The following CCDC141 variants were observed in gnomAD, a reference collection of about 807,000 sequenced individuals.
The protein encoded by CCDC141 is coiled-coil domain containing 141, also known as coiled-coil domain-containing protein 141.
A neutral mutation model predicts 181.0 loss-of-function variants in CCDC141; 168 were observed. That is an observed-to-expected ratio of 0.93 (90% CI 0.82 to 1.05). CCDC141 has a LOEUF of 1.05. CCDC141 is among the 50% of genes least tolerant of loss of function. The probability of loss-of-function intolerance (pLI) is 0.00; values close to 1 mark genes in which losing one functional copy is unlikely to be tolerated. For synonymous variants in CCDC141, 666 were observed against 642.3 expected (o/e 1.04, Z -0.56); for missense variants, 1,902 against 1,788.5 (o/e 1.06, Z -1.14).
intron 2 of CCDC141, among the ~76,000 whole-genome samples, chr2:179,022,950 G>A (rs755890995): frequency 1.9e-4 from 29 of 152,004 alleles, no homozygotes; most frequent in Non-Finnish European, 4.0e-4. Context: ...GAGAAGTGAC[G>A]CGTACCATCC....
rs1575303622 is a variant in CCDC141, at chr2:178,983,799, G to T, written c.226-5124C>A. Among the ~76,000 whole-genome samples, 5 of 151,714 alleles carry T rather than the reference G, an allele frequency of 3.3e-5. 1 individual carries two copies. Among genetic ancestry groups the T allele is most frequent in the Admixed American group, 3.3e-4 (5 of 15,256 alleles). On this transcript the variant is annotated intron_variant, in intron 2 of 23. Transcript: ENST00000443758. Reference sequence around the variant, plus strand: ...AAAAAGAAATGAGCAAAGCCTCCAAGAAATATGGGACTATGTGAAAAGACC... The same window carrying T: ...AAAAAGAAATGAGCAAAGCCTCCAATAAATATGGGACTATGTGAAAAGACC...
In CCDC141 at chr2:178,853,618, A is replaced by G; in HGVS notation, c.3067T>C (p.Phe1023Leu). 1 of 1,611,234 alleles carries G rather than the reference A, an allele frequency of 6.2e-7. No homozygotes were observed. The change falls in exon 20 of 24, where the codon TTT becomes CTT. Residue 1023 changes from phenylalanine to leucine, a missense_variant. Phe to Leu is a conservative substitution (Grantham distance 22). Transcript: ENST00000443758. Reference sequence around the variant, plus strand: ...GTGGCACTTGCATCTTCGTACCAAAAATGACACTAAATTTAAATGGGATAA... The same window carrying G: ...GTGGCACTTGCATCTTCGTACCAAAGATGACACTAAATTTAAATGGGATAA... Reference protein sequence around the residue: ...HFQEVIEECHFWYEDASATVV... With the variant: ...HFQEVIEECHLWYEDASATVV...
chr2:179,012,536 A>G (rs1182028206), intron 2 of CCDC141, among the ~76,000 whole-genome samples: 2 of 152,132 alleles, frequency 1.3e-5, no homozygotes, highest in African/African-American at 4.8e-5. Flanking sequence ...ATTATACCAC[A>G]CATTCAAAGA....
Position 179,049,877 on chromosome 2 carries a change from T to TGCACAGCA in CCDC141, c.57_64dup (p.Gln22LeufsTer12). The TGCACAGCA allele has an allele frequency of 6.4e-7, 1 of 1,550,846 alleles. No homozygotes were observed. The highest frequency in any genetic ancestry group is 2.0e-5 in the Admixed American group (1 of 51,016). On this transcript the variant is annotated frameshift_variant, in exon 1 of 24. Coordinates refer to ENST00000443758, the MANE Select transcript of CCDC141 (RefSeq NM_173648.4). LOFTEE classifies it high-confidence loss of function. ...TATAACGATTTTGGAGTCCCCAGCC[T>TGCACAGCA]GCACAGCAACTGAACTGACTGTCGT...
rs372101126 is a variant in CCDC141 at position 178,979,521 on chromosome 2, T to C, written c.226-846A>G. Among the ~76,000 whole-genome samples the C allele has an allele frequency of 6.6e-5, 10 of 152,260 alleles. No individual in the cohort carries two copies. The East Asian group carries it at 1.2e-3, about 18-fold the overall frequency. ...AAAAAATGTGGATGAGTTAACTTTT[T>C]AAACAAAAAGACAAACACTATCAGA... is the stretch of plus-strand genomic sequence containing the variant. On this transcript the variant is annotated intron_variant, in intron 2 of 23. Coordinates refer to ENST00000443758, the MANE Select transcript of CCDC141 (RefSeq NM_173648.4).
chr2:178,983,140 C>T (rs978529338), intron 2 of CCDC141, among the ~76,000 whole-genome samples: 3 of 152,202 alleles, frequency 2.0e-5, no homozygotes, highest in African/African-American at 7.2e-5. Flanking sequence ...ACCGCCTCCT[C>T]AAGTGGGTCC....
intron 6 of CCDC141, among the ~76,000 whole-genome samples, chr2:178,925,811 T>C (rs1688887669): frequency 6.6e-6 from 1 of 152,166 alleles, no homozygotes; most frequent in Non-Finnish European, 1.5e-5. Flanking sequence ...CAGGTGGTCC[T>C]AGTTTATCTT....
chr2:179,047,400 T>C lies in CCDC141; in HGVS notation c.109A>G (p.Lys37Glu), dbSNP rs2043533539. The change falls in exon 2 of 24, where the codon AAA becomes GAA. Residue 37 changes from lysine (K) to glutamate (E), a missense_variant. Physicochemically the swap from Lys to Glu is moderately conservative, Grantham distance 56. Transcript: ENST00000443758. ...TCAGCCAGTTGAAGTTGTACCCATTTGCCACACTAAAAATAAAAATTAAAT... is the reference window on the plus strand; with the variant it reads ...TCAGCCAGTTGAAGTTGTACCCATTCGCCACACTAAAAATAAAAATTAAAT... ...KIVIAVIKCG[K>E]WVQLQLAESQ... 1.3e-6 allele frequency: 2 copies of C among 1,506,496 alleles called. No homozygotes were observed. The highest frequency in any genetic ancestry group is 5.1e-5 in the East Asian group (2 of 39,572). The allele number at this position is 1,506,496 out of a possible 1,614,324, so 93.3% of individuals were successfully genotyped here. A position where few individuals can be genotyped will look rare whatever the true frequency, so the allele number is the denominator to read the frequency against.
intron 7 of CCDC141, among the ~76,000 whole-genome samples, chr2:178,913,691 G>A (rs1688317957): frequency 1.3e-5 from 2 of 152,152 alleles, no homozygotes; most frequent in Non-Finnish European, 2.9e-5. Flanking sequence ...CAGAAACAAC[G>A]GAAGCTATGA....
chr2:178,943,572 T>C (rs1364815221), intron 6 of CCDC141, among the ~76,000 whole-genome samples: 2 of 152,182 alleles, frequency 1.3e-5, no homozygotes, highest in African/African-American at 2.4e-5. Flanking sequence ...TGTTGGCCCA[T>C]TGTTTTCTAG....
intron 22 of CCDC141, among the ~76,000 whole-genome samples, chr2:178,841,658 T>C (rs1684726629): frequency 6.6e-6 from 1 of 152,246 alleles, no homozygotes; most frequent in Non-Finnish European, 1.5e-5. Context: ...TCATTTTTAT[T>C]TTTGAGATGG....
chr2:178,903,365 C>T (rs1418359853), intron 8 of CCDC141, among the ~76,000 whole-genome samples: 2 of 151,852 alleles, frequency 1.3e-5, no homozygotes, highest in African/African-American at 4.8e-5. Context: ...CTGAAATGTC[C>T]AACAATGATA....
rs528602061 is a variant in CCDC141 at position 178,916,427 on chromosome 2, GA to G, written c.1092+2285del. On this transcript the variant is annotated intron_variant, in intron 7 of 23. Coordinates refer to ENST00000443758, the MANE Select transcript of CCDC141 (RefSeq NM_173648.4). ...GAGGTTTTACAATATAAATAAAAAAGAAAAATACCATTTATAAGCCACAAGA... is the reference window on the plus strand; with the variant it reads ...GAGGTTTTACAATATAAATAAAAAAGAAAATACCATTTATAAGCCACAAGA... 4.3e-3 allele frequency among the ~76,000 whole-genome samples: 647 copies of G among 151,794 alleles called. 7 individuals are homozygous for G. Among genetic ancestry groups the G allele is most frequent in the African/African-American group, 0.015 (618 of 41,454 alleles).
intron 22 of CCDC141, among the ~76,000 whole-genome samples, chr2:178,839,197 A>G (rs769135404): frequency 6.4e-4 from 98 of 152,096 alleles, no homozygotes; most frequent in Admixed American, 4.5e-3. Context: ...GGGGATCACA[A>G]GGTCAGGAGA....
intron 14 of CCDC141, 21 bp from the exon 15 acceptor site, chr2:178,869,326 A>G (rs754509852): frequency 6.4e-7 from 1 of 1,558,806 alleles, no homozygotes; most frequent in South Asian, 1.2e-5. Context: ...GAAAGCAATA[A>G]AAAAATCTTG....
At chr2:179,015,943 C>A (rs545783645) in intron 2 of CCDC141, among the ~76,000 whole-genome samples, 2 of 137,016 alleles carry the variant, frequency 1.5e-5, no homozygotes, top group African/African-American at 2.6e-5. Context: ...TCATATATAT[C>A]ATATATATCT....
chr2:178,865,940 C>A, intron 16 of CCDC141, 24 bp from the exon 17 acceptor site: 3 of 1,449,782 alleles, frequency 2.1e-6, no homozygotes, highest in South Asian at 1.5e-5. Context: ...ATGGTGGTAA[C>A]AGAGAGAAAG....
Position 178,977,758 on chromosome 2 carries a change from T to C in CCDC141, c.417+726A>G, listed in dbSNP as rs149441635. On this transcript the variant is annotated intron_variant, in intron 3 of 23. Coordinates refer to ENST00000443758, the MANE Select transcript of CCDC141 (RefSeq NM_173648.4). ...AGCAGTGCTCTTACATCAAAATGAATGGGCTGCCACCTGACACAGAAGTTA... is the reference window on the plus strand; with the variant it reads ...AGCAGTGCTCTTACATCAAAATGAACGGGCTGCCACCTGACACAGAAGTTA... Among the ~76,000 whole-genome samples, 11 of 152,334 alleles carry C rather than the reference T, an allele frequency of 7.2e-5. No homozygotes were observed. The East Asian group carries it at 1.9e-3, about 27-fold the overall frequency.
chr2:178,908,898 A>G (rs1425752482), intron 7 of CCDC141, among the ~76,000 whole-genome samples: 1 of 152,234 alleles, frequency 6.6e-6, no homozygotes, highest in Non-Finnish European at 1.5e-5. Context: ...TGGCAAACAT[A>G]TAGTAGGTAC....
Sources: allele counts gnomAD v4.1 joint callset (sites outside exome capture counted in the v4.1 genomes callset), GRCh38; gene constraint gnomAD v4.1.1; transcripts MANE v1.5; gene names NCBI Gene and HGNC (gene_info 2026-07-23, HGNC 2026-07-21).